Variants in CCDC7 observed in about 807,000 individuals in gnomAD.
The protein encoded by CCDC7 is coiled-coil domain containing 7.
A neutral mutation model predicts 196.9 loss-of-function variants in CCDC7; 183 were observed. The observed-to-expected ratio is 0.93, with a 90% confidence interval of 0.82 to 1.05. CCDC7 has a LOEUF of 1.05. CCDC7 is among the 50% of genes least tolerant of loss of function. The probability of loss-of-function intolerance (pLI) is 0.00; values close to 1 mark genes in which losing one functional copy is unlikely to be tolerated. For missense variants in CCDC7, 1,540 were observed against 1,482.2 expected, an observed-to-expected ratio of 1.04 and a Z score of -0.64; for synonymous variants, 525 against 484.6, an observed-to-expected ratio of 1.08 and a Z score of -1.10.
intron 41 of CCDC7, among the ~76,000 whole-genome samples, chr10:32,869,749 T>C (rs2094352989): frequency 6.6e-6 from 1 of 151,784 alleles, no homozygotes; most frequent in Admixed American, 6.6e-5. Flanking sequence ...GTATAAGGTG[T>C]AAGGAAGGGA....
At chr10:32,523,721 A>G (rs890058628) in intron 11 of CCDC7, among the ~76,000 whole-genome samples, 2 of 148,884 alleles carry the variant, frequency 1.3e-5, no homozygotes, top group African/African-American at 5.1e-5. Context: ...CTTTGTCATT[A>G]TATAATGACC....
chr10:32,443,400 A>C (rs1297053581), upstream of CCDC7, among the ~76,000 whole-genome samples: 1 of 152,140 alleles, frequency 6.6e-6, no homozygotes, highest in African/African-American at 2.4e-5. Context: ...TCTTGGCTGG[A>C]AGCAGAACCC....
At chr10:32,853,084 G>T (rs1261919033) in intron 40 of CCDC7, among the ~76,000 whole-genome samples, 1 of 151,818 alleles carries the variant, frequency 6.6e-6, no homozygotes, top group Non-Finnish European at 1.5e-5. Context: ...ATTGATTTGG[G>T]GTTCACTTGT....
At chr10:32,871,243 G>A (rs2094418808) in intron 41 of CCDC7, among the ~76,000 whole-genome samples, 3 of 152,008 alleles carry the variant, frequency 2.0e-5, no homozygotes, top group Non-Finnish European at 4.4e-5. Flanking sequence ...ACTTTTTTTG[G>A]TTGGTAAGCT....
rs1194164053 is a variant in CCDC7 at position 32,854,485 on chromosome 10, T to C, written c.4107T>C (p.Tyr1369=). ...CCAATACAGTTGGAAAACCTACCTATAAAGGTAAAAGAATCACTACAATAC... is the reference window on the plus strand; with the variant it reads ...CCAATACAGTTGGAAAACCTACCTACAAAGGTAAAAGAATCACTACAATAC... The change falls in exon 41 of 42, where the codon TAT becomes TAC. Residue 1369 remains tyrosine, a synonymous_variant. Transcript: ENST00000639629. 4 of 1,529,274 alleles carry C rather than the reference T, an allele frequency of 2.6e-6. No individual in the cohort carries two copies. In the Admixed American group the frequency reaches 5.2e-5, roughly 20 times the overall value. The allele number at this position is 1,529,274 out of a possible 1,614,324, so 94.7% of individuals were successfully genotyped here.
chr10:32,848,234 G>A (rs930020297), intron 38 of CCDC7, among the ~76,000 whole-genome samples: 2 of 152,026 alleles, frequency 1.3e-5, no homozygotes, highest in Non-Finnish European at 2.9e-5. Flanking sequence ...GGTTCAATTG[G>A]GGCAGGGGGG....
chr10:32,752,980 A>C (rs955269741), intron 28 of CCDC7, among the ~76,000 whole-genome samples: 7 of 152,192 alleles, frequency 4.6e-5, no homozygotes, highest in Non-Finnish European at 1.0e-4. Flanking sequence ...ACAAGAGATT[A>C]ATTGATGGTT....
At chr10:32,679,506 C>G (rs751099365) in intron 21 of CCDC7, among the ~76,000 whole-genome samples, 9 of 152,128 alleles carry the variant, frequency 5.9e-5, no homozygotes, top group Non-Finnish European at 8.8e-5. Flanking sequence ...GCCACATGGG[C>G]AATACAAGAG....
upstream of CCDC7, among the ~76,000 whole-genome samples, chr10:32,449,410 A>C (rs148591956): frequency 8.6e-3 from 1,304 of 151,804 alleles, 28 homozygotes; most frequent in African/African-American, 0.029. Flanking sequence ...CTGGTCTCGA[A>C]CTCCTGACCT....
At position 32,805,012 on chromosome 10, in the gene CCDC7, T is replaced by C. The variant is rs201906442; in HGVS notation, c.3014-3T>C. Reference sequence around the variant, plus strand: ...GTATTTTTAAATCCATCTATTTCTATAGAGACTGATATAGAAAGCTTGAGA... The same window carrying C: ...GTATTTTTAAATCCATCTATTTCTACAGAGACTGATATAGAAAGCTTGAGA... On this transcript the variant is annotated splice_polypyrimidine_tract_variant and splice_region_variant and intron_variant, in intron 29 of 41. Transcript: ENST00000639629. The C allele has an allele frequency of 1.6e-4, 261 of 1,590,456 alleles. 6 individuals are homozygous for C. The South Asian group carries it at 2.7e-3, about 17-fold the overall frequency.
chr10:32,591,482 T>A (rs1055471853), intron 18 of CCDC7, among the ~76,000 whole-genome samples: 1 of 150,750 alleles, frequency 6.6e-6, no homozygotes, highest in Non-Finnish European at 1.5e-5. Flanking sequence ...AGAGTTTTTG[T>A]TAGTTTCCTT....
intron 18 of CCDC7, among the ~76,000 whole-genome samples, chr10:32,610,922 C>T (rs1320225579): frequency 1.3e-5 from 2 of 152,142 alleles, no homozygotes; most frequent in Non-Finnish European, 2.9e-5. Flanking sequence ...ACTTACAATC[C>T]TTTGAGTATA....
At chr10:32,662,907 G>A (rs2071809440) in intron 20 of CCDC7, among the ~76,000 whole-genome samples, 1 of 152,154 alleles carries the variant, frequency 6.6e-6, no homozygotes, top group Non-Finnish European at 1.5e-5. Context: ...AGACTATCAG[G>A]TAGCTTTCAG....
rs573888353 is a variant in CCDC7 at position 32,715,313 on chromosome 10, T to G, written c.2569+3583T>G. ...CAGACCTGCAGAAGAGGGGCCGGAC[T>G]GTTAGAAGGAAAACTAACAAACAGA... On this transcript the variant is annotated intron_variant, in intron 25 of 41. Transcript: ENST00000639629. 5.9e-5 allele frequency among the ~76,000 whole-genome samples: 9 copies of G among 152,330 alleles called. No individual in the cohort carries two copies. In the East Asian group the frequency reaches 1.7e-3, roughly 29 times the overall value.
chr10:32,613,542 G>T (rs2062424350), intron 18 of CCDC7, among the ~76,000 whole-genome samples: 1 of 152,050 alleles, frequency 6.6e-6, no homozygotes, highest in Non-Finnish European at 1.5e-5. Context: ...TTTCTCATGT[G>T]GGCATTTAGT....
intron 29 of CCDC7, among the ~76,000 whole-genome samples, chr10:32,792,240 A>G (rs2082821405): frequency 6.6e-6 from 1 of 152,242 alleles, no homozygotes; most frequent in Admixed American, 6.5e-5. Context: ...AAATACTATC[A>G]TGAATACATA....
intron 28 of CCDC7, among the ~76,000 whole-genome samples, chr10:32,759,080 A>C (rs1272700612): frequency 6.6e-6 from 1 of 152,224 alleles, no homozygotes; most frequent in Non-Finnish European, 1.5e-5. Flanking sequence ...ACCACTGCTC[A>C]ATGAAATAAA....
intron 28 of CCDC7, among the ~76,000 whole-genome samples, chr10:32,773,331 C>T (rs894418711): frequency 2.6e-5 from 4 of 152,142 alleles, no homozygotes; most frequent in African/African-American, 7.2e-5. Context: ...GATGTTGTCT[C>T]GTAATTCTGA....
At chr10:32,776,367 TG>T (rs2080060845) in intron 28 of CCDC7, among the ~76,000 whole-genome samples, 1 of 147,720 alleles carries the variant, frequency 6.8e-6, no homozygotes, top group Non-Finnish European at 1.5e-5. Context: ...GTAAGAATAA[TG>T]GTTTTTTTTT....
Sources: gnomAD v4.1 joint callset for allele counts (sites outside exome capture counted in the v4.1 genomes callset) on GRCh38, gnomAD v4.1.1 for gene constraint, MANE v1.5 for transcripts, NCBI Gene and HGNC (gene_info 2026-07-23, HGNC 2026-07-21) for gene names.